Variants in EPN2 observed in about 807,000 individuals in gnomAD.
EPN2 encodes epsin-2.
In EPN2, 34 loss-of-function variants were observed where a neutral mutation model predicts 61.7. The ratio of observed to expected loss-of-function variants is 0.55; its 90% CI spans 0.42 to 0.73. EPN2 has a LOEUF of 0.73. Among genes scored for constraint, EPN2 ranks in the 30% least tolerant of loss-of-function variants. The probability of loss-of-function intolerance (pLI) is 0.00; values close to 1 mark genes in which losing one functional copy is unlikely to be tolerated. For synonymous variants in EPN2, 349 were observed against 353.6 expected (o/e 0.99, Z 0.15); for missense variants, 714 against 839.2 (o/e 0.85, Z 1.84).
At chr17:19,313,066 A>G in intron 6 of EPN2, 39 bp from the exon 7 acceptor site, 1 of 1,598,398 alleles carries the variant, frequency 6.3e-7, no homozygotes, top group Non-Finnish European at 8.5e-7. Context: ...CTGTAACTGT[A>G]GCATAGTAAA....
chr17:19,296,585 T>C (rs1024213116), intron 4 of EPN2: 1 of 152,202 alleles, frequency 6.6e-6, no homozygotes, highest in African/African-American at 2.4e-5. Context: ...ACAACTGTTA[T>C]TCACATGTTG....
chr17:19,335,614 C>T lies in EPN2; in HGVS notation c.*1360C>T, dbSNP rs911573077. ...CTGGGCAACAGTCCCTAGGCTAAGA[C>T]AGGGGTGGGGGGCTAAGGGACCAGG... On this transcript the variant is annotated 3_prime_UTR_variant, in exon 11 of 11. Transcript: ENST00000314728. 1 of 648,218 alleles carries T rather than the reference C, an allele frequency of 1.5e-6. No individual in the cohort carries two copies. Among genetic ancestry groups the T allele is most frequent in the Non-Finnish European group, 2.4e-6 (1 of 415,942 alleles). 40.2% of individuals were successfully genotyped at this position (648,218 alleles called of 1,614,324 possible). A position where few individuals can be genotyped will look rare whatever the true frequency, so the allele number is the denominator to read the frequency against.
intron 1 of EPN2, among the ~76,000 whole-genome samples, chr17:19,277,740 C>G (rs1202288584): frequency 6.6e-6 from 1 of 152,150 alleles, no homozygotes; most frequent in Non-Finnish European, 1.5e-5. Flanking sequence ...CCTCCAAAGT[C>G]TCGCTTAGGT....
At chr17:19,313,966 G>T (rs1906267140) in intron 7 of EPN2, among the ~76,000 whole-genome samples, 1 of 152,156 alleles carries the variant, frequency 6.6e-6, no homozygotes. Context: ...GCCCCTCCTG[G>T]TGTGCTAAAC....
chr17:19,288,326 C>T (rs2045425460), intron 4 of EPN2, among the ~76,000 whole-genome samples: 2 of 152,228 alleles, frequency 1.3e-5, no homozygotes, highest in Non-Finnish European at 2.9e-5. Context: ...AACAGAGCCC[C>T]TTGCCCTCGT....
At chr17:19,325,903 A>G (rs1906845219) in intron 7 of EPN2, among the ~76,000 whole-genome samples, 1 of 152,220 alleles carries the variant, frequency 6.6e-6, no homozygotes, top group African/African-American at 2.4e-5. Context: ...AATGACTTCT[A>G]ATTAACAGTT....
chr17:19,273,140 T>G (rs1293059987), intron 1 of EPN2: 2 of 152,226 alleles, frequency 1.3e-5, no homozygotes, highest in Non-Finnish European at 2.9e-5. Flanking sequence ...CCAGTGGCTC[T>G]CAGATCCTGG....
chr17:19,314,355 C>T (rs1391177554), intron 7 of EPN2, among the ~76,000 whole-genome samples: 2 of 109,326 alleles, frequency 1.8e-5, no homozygotes, highest in African/African-American at 5.0e-5. Flanking sequence ...AGGCCACTTC[C>T]GTTGAGTCCC....
chr17:19,298,043 T>G (rs533536375), intron 4 of EPN2, among the ~76,000 whole-genome samples: 1 of 151,148 alleles, frequency 6.6e-6, no homozygotes, highest in South Asian at 2.1e-4. Flanking sequence ...GCCCAGCTAA[T>G]TTTTGTATTT....
chr17:19,297,398 C>T (rs1261761788), intron 4 of EPN2: 2 of 152,268 alleles, frequency 1.3e-5, no homozygotes, highest in Non-Finnish European at 2.9e-5. Flanking sequence ...GTATTATGGA[C>T]ATGTCATTCA....
chr17:19,326,579 C>T (rs1447659513), intron 7 of EPN2, among the ~76,000 whole-genome samples: 5 of 144,364 alleles, frequency 3.5e-5, no homozygotes, highest in Admixed American at 7.3e-5. Flanking sequence ...CCCAGCTACT[C>T]GGGAGGCTGA....
intron 4 of EPN2, among the ~76,000 whole-genome samples, chr17:19,295,370 G>GA (rs2045508417): frequency 7.7e-6 from 1 of 129,902 alleles, no homozygotes; most frequent in East Asian, 2.6e-4. Context: ...ACACACACGC[G>GA]CGTGCGCGCA....
At chr17:19,264,459 C>T (rs2045175249) in intron 1 of EPN2, among the ~76,000 whole-genome samples, 1 of 152,136 alleles carries the variant, frequency 6.6e-6, no homozygotes, top group Non-Finnish European at 1.5e-5. Context: ...GCAGAAAGTG[C>T]AGCCTTATTT....
chr17:19,335,606 G>C lies in EPN2; in HGVS notation c.*1352G>C, dbSNP rs950968731. ...ACGGGTCCCTGGGCAACAGTCCCTA[G>C]GCTAAGACAGGGGTGGGGGGCTAAG... On this transcript the variant is annotated 3_prime_UTR_variant, in exon 11 of 11. Coordinates refer to ENST00000314728, the MANE Select transcript of EPN2 (RefSeq NM_014964.5). 4.1e-6 allele frequency: 3 copies of C among 731,460 alleles called. No individual in the cohort carries two copies. In the East Asian group the frequency reaches 8.8e-5, roughly 22 times the overall value. The allele number at this position is 731,460 out of a possible 1,614,324, so 45.3% of individuals were successfully genotyped here.
chr17:19,277,400 C>CAAAAA (rs58679739), intron 1 of EPN2, among the ~76,000 whole-genome samples: 1 of 75,476 alleles, frequency 1.3e-5, no homozygotes. Context: ...GACTCTGTCT[C>CAAAAA]AAAAAAAAAA....
intron 1 of EPN2, chr17:19,258,033 G>A (rs1207778200): frequency 6.5e-6 from 1 of 153,334 alleles, no homozygotes; most frequent in East Asian, 1.9e-4. Flanking sequence ...CAGAGGTTTG[G>A]GAGGCCAGGA....
intron 10 of EPN2, among the ~76,000 whole-genome samples, chr17:19,333,093 G>C (rs981251488): frequency 2.0e-5 from 3 of 152,188 alleles, no homozygotes; most frequent in Non-Finnish European, 2.9e-5. Flanking sequence ...CAGGGGAGGT[G>C]GTTCCCTGGG....
Position 19,283,246 on chromosome 17 carries a change from A to G in EPN2, c.127A>G (p.Ile43Val). The part of the protein sequence containing the change: ...WGPSSSLMTE[I>V]ADLTYNVVAF... ...CCCGTCCAGTTCTCTGATGACCGAG[A>G]TTGCCGACCTGACCTACAACGTGGT... Residue 43 changes from isoleucine (I) to valine (V), a missense_variant, in exon 3 of 11, where the codon ATT (isoleucine) becomes GTT (valine). This residue lies in a region of EPN2 where 304 missense variants were observed against 417.4 expected (regional missense o/e 0.73). Transcript: ENST00000314728. This position sits in a 1 kb window ranked among gnomAD's most constrained non-coding sequence, Gnocchi z 7.0. 6.2e-7 allele frequency: 1 copy of G among 1,614,168 alleles called. No homozygotes were observed. The highest frequency in any genetic ancestry group is 1.6e-4 in the Middle Eastern group (1 of 6,062).
At chr17:19,318,407 G>A (rs1174462950) in intron 7 of EPN2, among the ~76,000 whole-genome samples, 1 of 151,878 alleles carries the variant, frequency 6.6e-6, no homozygotes, top group Non-Finnish European at 1.5e-5. Flanking sequence ...AAACTAGCCA[G>A]GCGTAGTGGT....
Sources: allele counts gnomAD v4.1 joint callset (sites outside exome capture counted in the v4.1 genomes callset), GRCh38; gene constraint gnomAD v4.1.1; regional missense constraint gnomAD v4.1.1; non-coding constraint Gnocchi (gnomAD v3.1); transcripts MANE v1.5; gene names NCBI Gene and HGNC (gene_info 2026-07-23, HGNC 2026-07-21).